HEPH: variants seen among roughly 807,000 people sequenced by gnomAD.
HEPH encodes hephaestin.
In HEPH, 69 loss-of-function variants were observed where a neutral mutation model predicts 80.8. The ratio of observed to expected loss-of-function variants is 0.85; its 90% CI spans 0.70 to 1.04. HEPH has a LOEUF of 1.04. Among genes scored for constraint, HEPH ranks in the 50% least tolerant of loss-of-function variants. The pLI, the probability that HEPH is intolerant of heterozygous loss-of-function variation, is 0.00. For missense variants in HEPH, 1,115 were observed against 891.3 expected (o/e 1.25, Z -3.20); for synonymous variants, 431 against 322.8 (o/e 1.34, Z -3.60).
chrX:66,170,915 G>A (rs1319531225), intron 2 of HEPH, among the ~76,000 whole-genome samples, 178 bp downstream of exon 2: 2 of 111,634 alleles, frequency 1.8e-5, no homozygotes, highest in East Asian at 5.6e-4. Flanking sequence ...TCAGAAGCCA[G>A]CATTTCATCT....
intron 4 of HEPH, among the ~76,000 whole-genome samples, chrX:66,178,232 A>G (rs929811107): frequency 1.8e-5 from 2 of 111,561 alleles, no homozygotes. Context: ...GCTAAGAATG[A>G]TGGTTTCCAG....
intron 13 of HEPH, among the ~76,000 whole-genome samples, chrX:66,206,438 C>T (rs1363454310): frequency 1.1e-5 from 1 of 89,879 alleles, no homozygotes; most frequent in East Asian, 4.0e-4. Context: ...TCTTGGCTCA[C>T]AGCAACCTCT....
chrX:66,231,517 G>C (rs2090141100), intron 15 of HEPH, among the ~76,000 whole-genome samples: 1 of 110,147 alleles, frequency 9.1e-6, no homozygotes, highest in African/African-American at 3.3e-5. Context: ...GGATTCCTAG[G>C]TATTTTATTT....
intron 15 of HEPH, among the ~76,000 whole-genome samples, chrX:66,208,572 T>C (rs1288993895): frequency 2.1e-5 from 2 of 96,474 alleles, no homozygotes; most frequent in African/African-American, 7.4e-5. Flanking sequence ...TGAGCCAACA[T>C]CATGCCACTG....
chrX:66,201,701 C>G (rs1328010533), intron 12 of HEPH, among the ~76,000 whole-genome samples: 1 of 111,725 alleles, frequency 9.0e-6, no homozygotes, highest in African/African-American at 3.3e-5. Flanking sequence ...CAAGTGTCTT[C>G]AACGCTTTAA....
intron 4 of HEPH, among the ~76,000 whole-genome samples, chrX:66,186,929 C>A (rs1315654053): frequency 4.5e-5 from 5 of 110,854 alleles, no homozygotes. Flanking sequence ...TTTTCTTATT[C>A]TTTTTTCTTT....
In HEPH at chrX:66,255,130, G is replaced by A. The variant is rs758604877; in HGVS notation, c.2659G>A (p.Asp887Asn). Residue 887 changes from aspartate (D) to asparagine (N), a missense_variant, in exon 16 of 21, where the codon GAT becomes AAT. This residue lies in a region of HEPH where 716 missense variants were observed against 523.5 expected (regional missense o/e 1.37). Transcript: ENST00000343002. ...TTCCTGGATCTATTATTCTGCAGTG[G>A]ATCCCATCAAGGTAAATACAAGATT... Reference protein sequence around the residue: ...CVSWIYYSAVDPIKDMYSGLV... With the variant: ...CVSWIYYSAVNPIKDMYSGLV... 1 of 1,195,683 alleles carries A rather than the reference G, an allele frequency of 8.4e-7. No homozygotes were observed. Among genetic ancestry groups the A allele is most frequent in the Admixed American group, 2.2e-5 (1 of 45,709 alleles).
Position 66,195,079 on chromosome X carries a change from T to A in HEPH, c.1370-19T>A. On this transcript the variant is annotated intron_variant, in intron 8 of 20. Transcript: ENST00000343002. ...TATCCCTTTCATCATTCTCATTGTC[T>A]CTCCTTCCCATTTTCCAGGGCCAGT... 1 of 1,166,952 alleles carries A rather than the reference T, an allele frequency of 8.6e-7. No individual in the cohort carries two copies. The highest frequency in any genetic ancestry group is 2.4e-5 in the Admixed American group (1 of 41,540).
At chrX:66,268,425 A>G (rs2091584944), downstream of HEPH, 1 of 112,144 alleles carries the variant, frequency 8.9e-6, no homozygotes, top group Admixed American at 9.5e-5. Context: ...AGAATCTCAG[A>G]AATAAAGTGT....
chrX:66,238,719 G>A (rs773779558), intron 15 of HEPH, among the ~76,000 whole-genome samples: 7 of 111,737 alleles, frequency 6.3e-5, no homozygotes, highest in Admixed American at 9.5e-5. Context: ...TGATGACACA[G>A]AAGTATAGAG....
At chrX:66,250,558 A>G (rs1351345317) in intron 15 of HEPH, among the ~76,000 whole-genome samples, 1 of 111,206 alleles carries the variant, frequency 9.0e-6, no homozygotes, top group Non-Finnish European at 1.9e-5. Flanking sequence ...CTATTGTTAC[A>G]TCTTTCCTAG....
At chrX:66,224,688 T>C (rs1175699624) in intron 15 of HEPH, among the ~76,000 whole-genome samples, 3 of 112,355 alleles carry the variant, frequency 2.7e-5, no homozygotes, top group African/African-American at 9.7e-5. Flanking sequence ...TATGCCCTTG[T>C]TTACACTGAC....
chrX:66,225,602 C>T (rs995892976), intron 15 of HEPH, among the ~76,000 whole-genome samples: 22 of 112,632 alleles, frequency 2.0e-4, no homozygotes, highest in Middle Eastern at 4.6e-3. Flanking sequence ...ACTCCAGGTG[C>T]CATTTCCTTC....
intron 15 of HEPH, among the ~76,000 whole-genome samples, chrX:66,235,876 A>G (rs2090340965): frequency 9.0e-6 from 1 of 110,949 alleles, no homozygotes; most frequent in Admixed American, 9.6e-5. Flanking sequence ...GCAGTGTTTT[A>G]GGAATGGAAT....
intron 15 of HEPH, among the ~76,000 whole-genome samples, chrX:66,227,719 T>C (rs1256038688): frequency 8.9e-6 from 1 of 111,795 alleles, no homozygotes; most frequent in African/African-American, 3.3e-5. Context: ...ACATTTGGCT[T>C]TATTTCTGGT....
chrX:66,225,455 A>G (rs1287903773), intron 15 of HEPH, among the ~76,000 whole-genome samples: 1 of 112,132 alleles, frequency 8.9e-6, no homozygotes, highest in Non-Finnish European at 1.9e-5. Context: ...AAACCAAAGT[A>G]TCAAGCAATC....
intron 15 of HEPH, among the ~76,000 whole-genome samples, chrX:66,249,665 A>G (rs1298341805): frequency 8.9e-6 from 1 of 111,969 alleles, no homozygotes; most frequent in African/African-American, 3.2e-5. Context: ...AGATTGTAAA[A>G]TACACCTAGG....
chrX:66,203,460 C>T lies in HEPH; in HGVS notation c.2174C>T (p.Pro725Leu), dbSNP rs761874642. The change falls in exon 13 of 21, where the codon CCT becomes CTT. Residue 725 changes from proline to leucine, a missense_variant. Transcript: ENST00000343002. ...VSQCPGHQAT[P>L]RQRYQAARIY... ...CAGTGTCCTGGCCACCAAGCCACCC[C>T]TCGCCAACGCTACCAAGCTGCAAGA... 3.3e-6 allele frequency: 4 copies of T among 1,210,735 alleles called. No individual in the cohort carries two copies. In the South Asian group the frequency reaches 5.3e-5, roughly 16 times the overall value.
intron 15 of HEPH, among the ~76,000 whole-genome samples, chrX:66,234,032 G>T (rs1317166224): frequency 1.8e-5 from 2 of 111,073 alleles, no homozygotes; most frequent in African/African-American, 6.6e-5. Flanking sequence ...GTACCCAATA[G>T]TTATTTTTTC....
Sources: allele counts gnomAD v4.1 joint callset (sites outside exome capture counted in the v4.1 genomes callset), GRCh38; gene constraint gnomAD v4.1.1; regional missense constraint gnomAD v4.1.1; transcripts MANE v1.5; gene names NCBI Gene and HGNC (gene_info 2026-07-23, HGNC 2026-07-21).